Variants in CCNB2 observed in about 807,000 individuals in gnomAD.
CCNB2 encodes the protein G2/mitotic-specific cyclin-B2.
CCNB2 carries 39 observed loss-of-function variants against 51.1 expected under a neutral mutation model. That is an observed-to-expected ratio of 0.76 (90% CI 0.59 to 1.00). The LOEUF (loss-of-function observed/expected upper bound fraction) is 1.00, where lower values mean the gene tolerates loss of function less well. Ranked by LOEUF, CCNB2 falls within the 50% of genes least tolerant of loss-of-function variation. The pLI is 0.00. For synonymous variants in CCNB2, 174 were observed against 165.5 expected, an observed-to-expected ratio of 1.05 and a Z score of -0.40; for missense variants, 472 against 470.3, an observed-to-expected ratio of 1.00 and a Z score of -0.03.
chr15:59,121,152 G>C (rs1267885695), intron 7 of CCNB2: 1 of 152,138 alleles, frequency 6.6e-6, no homozygotes. Flanking sequence ...GATGTGCTGT[G>C]ATATCTGCAA....
chr15:59,114,951 A>C (rs1020800503), intron 5 of CCNB2, 75 bp downstream of exon 5: 30 of 1,425,496 alleles, frequency 2.1e-5, no homozygotes, highest in Non-Finnish European at 2.9e-5. Context: ...TAGAAAACTA[A>C]AGTGGGTACT....
Position 59,125,030 on chromosome 15 carries a change from G to T in CCNB2, c.*153G>T, listed in dbSNP as rs1468723937. On this transcript the variant is annotated 3_prime_UTR_variant, in exon 9 of 9. Coordinates refer to ENST00000288207, the MANE Select transcript of CCNB2 (RefSeq NM_004701.4). ...TATATTGAGGAAAAATAAAGCGATT[G>T]GTTTTTCTTAAGGTATCCCATGTGT... 8.2e-6 allele frequency: 4 copies of T among 485,838 alleles called. No homozygotes were observed. The highest frequency in any genetic ancestry group is 4.2e-5 in the South Asian group (1 of 23,590). 30.1% of individuals were successfully genotyped at this position (485,838 alleles called of 1,614,324 possible).
At chr15:59,121,943 A>G (rs2079303723) in intron 7 of CCNB2, among the ~76,000 whole-genome samples, 1 of 146,282 alleles carries the variant, frequency 6.8e-6, no homozygotes, top group Non-Finnish European at 1.5e-5. Flanking sequence ...AAAAAAAAAA[A>G]AAAAAAAAAA....
chr15:59,117,532 C>T (rs1468407816), intron 7 of CCNB2, among the ~76,000 whole-genome samples, 164 bp downstream of exon 7: 3 of 152,130 alleles, frequency 2.0e-5, no homozygotes, highest in African/African-American at 7.2e-5. Flanking sequence ...GTGGTGGTGC[C>T]ATCACAGCCC....
chr15:59,124,442 T>G, intron 8 of CCNB2: 1 of 337,576 alleles, frequency 3.0e-6, no homozygotes, highest in Non-Finnish European at 5.5e-6. Flanking sequence ...GTGAACCTGT[T>G]ATGTCCTGAT....
At chr15:59,115,380 G>A (rs1221308118) in intron 5 of CCNB2, among the ~76,000 whole-genome samples, 4 of 152,136 alleles carry the variant, frequency 2.6e-5, no homozygotes, top group African/African-American at 9.7e-5. Flanking sequence ...CAGGGGTTGT[G>A]TGTGGAGTGG....
chr15:59,113,228 A>G (rs1447215643), intron 3 of CCNB2, among the ~76,000 whole-genome samples: 4 of 152,204 alleles, frequency 2.6e-5, no homozygotes, highest in African/African-American at 7.2e-5. Context: ...AGACTGCAAT[A>G]TGCTTTTCTC....
chr15:59,117,082 T>C lies in CCNB2; in HGVS notation c.835-146T>C. 4 of 999,568 alleles carry C rather than the reference T, an allele frequency of 4.0e-6. No individual in the cohort carries two copies. In the South Asian group the frequency reaches 6.2e-5, roughly 16 times the overall value. 61.9% of individuals were successfully genotyped at this position (999,568 alleles called of 1,614,324 possible). On this transcript the variant is annotated intron_variant, in intron 6 of 8. Transcript: ENST00000288207. ...TCTTAAGAGAAAAGGCCTCATGATC[T>C]ATGTTTACAACATAGTGTGGAATAG... is the stretch of plus-strand genomic sequence containing the variant.
intron 7 of CCNB2, among the ~76,000 whole-genome samples, chr15:59,118,915 C>T (rs75767699): frequency 0.013 from 2,008 of 152,234 alleles, 44 homozygotes; most frequent in Middle Eastern, 0.048. Context: ...GAGCTGTTCA[C>T]CTAAACAATG....
Position 59,124,937 on chromosome 15 carries a change from C to T in CCNB2, c.*60C>T. The T allele has an allele frequency of 9.5e-7, 1 of 1,048,904 alleles. No individual in the cohort carries two copies. Among genetic ancestry groups the T allele is most frequent in the East Asian group, 2.6e-5 (1 of 37,964 alleles). The allele number at this position is 1,048,904 out of a possible 1,614,324, so 65.0% of individuals were successfully genotyped here. ...TGCCCTTTTTCTTATTGGTTTAGAACTCTTGATTTTGTACATAGTCCTCTG... is the reference window on the plus strand; with the variant it reads ...TGCCCTTTTTCTTATTGGTTTAGAATTCTTGATTTTGTACATAGTCCTCTG... On this transcript the variant is annotated 3_prime_UTR_variant, in exon 9 of 9. Coordinates refer to ENST00000288207, the MANE Select transcript of CCNB2 (RefSeq NM_004701.4).
At chr15:59,106,258 G>C (rs2079235381) in intron 1 of CCNB2, among the ~76,000 whole-genome samples, 1 of 152,216 alleles carries the variant, frequency 6.6e-6, no homozygotes, top group Non-Finnish European at 1.5e-5. Context: ...TGACTTTTGA[G>C]AATCCTAATA....
intron 7 of CCNB2, 121 bp downstream of exon 7, chr15:59,117,489 G>A: frequency 9.5e-7 from 1 of 1,048,416 alleles, no homozygotes; most frequent in Non-Finnish European, 1.4e-6. Context: ...GTGTTTTTGA[G>A]ACAGGGTCTC....
chr15:59,108,276 A>C (rs898891118), intron 3 of CCNB2, among the ~76,000 whole-genome samples: 4 of 152,200 alleles, frequency 2.6e-5, no homozygotes, highest in Non-Finnish European at 5.9e-5. Flanking sequence ...ACCAGAAGAT[A>C]AGGCTGGGAA....
Position 59,117,294 on chromosome 15 carries a change from G to A in CCNB2, c.901G>A (p.Val301Met). ...MELTLIDYDM[V>M]HYHPSKVAAA... ...GCTGACTCTCATCGACTATGATATG[G>A]TGCATTATCATCCTTCTAAGGTAGC... Residue 301 changes from valine to methionine, a missense_variant, in exon 7 of 9, where the codon GTG becomes ATG. Coordinates refer to ENST00000288207, the MANE Select transcript of CCNB2 (RefSeq NM_004701.4). 6.2e-7 allele frequency: 1 copy of A among 1,613,824 alleles called. No homozygotes were observed. The highest frequency in any genetic ancestry group is 1.3e-5 in the African/African-American group (1 of 75,040).
intron 7 of CCNB2, chr15:59,121,133 T>C (rs1456188601): frequency 6.6e-6 from 1 of 152,194 alleles, no homozygotes; most frequent in East Asian, 1.9e-4. Flanking sequence ...TTCTGAAACA[T>C]TTAGCAGGGA....
intron 8 of CCNB2, 71 bp from the exon 9 acceptor site, chr15:59,124,696 G>A: frequency 9.7e-7 from 1 of 1,033,324 alleles, no homozygotes; most frequent in Non-Finnish European, 1.5e-6. Flanking sequence ...TTTGATAATT[G>A]TGAGTTAGAC....
In CCNB2 at chr15:59,117,345, A is replaced by G; in HGVS notation, c.952A>G (p.Lys318Glu). ...VAAAASCLSQ[K>E]VLGQGKWNLK... ...AGCAGCTGCTTCCTGCTTGTCTCAG[A>G]AGGTTCTAGGACAAGGAAAATGGGT... The change falls in exon 7 of 9, where the codon AAG (lysine) becomes GAG (glutamate). Residue 318 changes from lysine to glutamate, a missense_variant. Coordinates refer to ENST00000288207, the MANE Select transcript of CCNB2 (RefSeq NM_004701.4). The G allele has an allele frequency of 6.2e-7, 1 of 1,613,940 alleles. No homozygotes were observed. The highest frequency in any genetic ancestry group is 8.5e-7 in the Non-Finnish European group (1 of 1,179,968).
At chr15:59,122,386 G>A (rs552053012) in intron 7 of CCNB2, among the ~76,000 whole-genome samples, 4 of 150,798 alleles carry the variant, frequency 2.7e-5, no homozygotes, top group African/African-American at 4.9e-5. Context: ...CACCATGCCC[G>A]GGGAATTTAT....
chr15:59,121,449 C>T (rs929964930), intron 7 of CCNB2: 1 of 152,160 alleles, frequency 6.6e-6, no homozygotes, highest in Admixed American at 6.6e-5. Context: ...AGAAATTGTG[C>T]ATTATTTCAG....
Sources: gnomAD v4.1 joint callset for allele counts (sites outside exome capture counted in the v4.1 genomes callset) on GRCh38, gnomAD v4.1.1 for gene constraint, MANE v1.5 for transcripts, NCBI Gene and HGNC (gene_info 2026-07-23, HGNC 2026-07-21) for gene names.